The following FMN1 variants were observed in gnomAD, a reference collection of about 807,000 sequenced individuals.
FMN1 encodes formin-1.
FMN1 carries 110 observed loss-of-function variants against 132.4 expected under a neutral mutation model. The ratio of observed to expected loss-of-function variants is 0.83; its 90% confidence interval spans 0.71 to 0.97. The LOEUF is 0.97. FMN1 is among the 50% of genes least tolerant of loss of function. The pLI, the probability that FMN1 is intolerant of heterozygous loss-of-function variation, is 0.00. For missense variants in FMN1, 1,792 were observed against 1,705.3 expected (o/e 1.05, Z -0.90); for synonymous variants, 722 against 651.7 (o/e 1.11, Z -1.64).
chr15:33,016,173 A>C (rs1345785220), intron 6 of FMN1, among the ~76,000 whole-genome samples: 1 of 152,260 alleles, frequency 6.6e-6, no homozygotes, highest in Non-Finnish European at 1.5e-5. Context: ...AATTTCAAGA[A>C]GCTGGTGCAT....
intron 6 of FMN1, chr15:33,012,657 G>A: frequency 2.3e-6 from 2 of 879,044 alleles, no homozygotes; most frequent in Admixed American, 1.7e-5. Context: ...GGAAAGCCCT[G>A]TCAAAGCAAG....
chr15:33,022,418 G>A lies in FMN1; in HGVS notation c.2162-14343C>T, dbSNP rs376387917. On this transcript the variant is annotated intron_variant, in intron 6 of 20. Coordinates refer to ENST00000616417, the MANE Select transcript of FMN1 (RefSeq NM_001277313.2). ...ACCACTTTTCCTTGATTTGAAAAGT[G>A]GACTAGTATGGATATGGTAACTAGC... 6.8e-4 allele frequency among the ~76,000 whole-genome samples: 103 copies of A among 152,218 alleles called. 1 individual carries two copies. The highest frequency in any genetic ancestry group is 2.4e-3 in the African/African-American group (101 of 41,536).
chr15:33,181,206 G>A (rs1965688295), intron 2 of FMN1, among the ~76,000 whole-genome samples: 1 of 152,106 alleles, frequency 6.6e-6, no homozygotes, highest in Non-Finnish European at 1.5e-5. Flanking sequence ...TGCTATAAGG[G>A]TTCCTTGCAT....
intron 17 of FMN1, among the ~76,000 whole-genome samples, chr15:32,850,222 T>A (rs1282206820): frequency 6.6e-6 from 1 of 151,750 alleles, no homozygotes. Flanking sequence ...ATTACTGACC[T>A]TTCCTGATCT....
intron 4 of FMN1, among the ~76,000 whole-genome samples, chr15:33,106,901 T>C (rs984045549): frequency 6.6e-6 from 1 of 152,042 alleles, no homozygotes; most frequent in Admixed American, 6.6e-5. Context: ...TCACTCCATC[T>C]GTCATCTCAT....
intron 4 of FMN1, among the ~76,000 whole-genome samples, chr15:33,119,588 C>T (rs1413767885): frequency 6.6e-6 from 1 of 152,200 alleles, no homozygotes; most frequent in African/African-American, 2.4e-5. Flanking sequence ...AAAACCAGCA[C>T]TATTCTTGAA....
At chr15:33,127,935 G>A (rs556779589) in intron 4 of FMN1, among the ~76,000 whole-genome samples, 33 of 148,788 alleles carry the variant, frequency 2.2e-4, no homozygotes, top group African/African-American at 6.9e-4. Context: ...TAGAAGAAGA[G>A]GCAGCAACAG....
intron 4 of FMN1, among the ~76,000 whole-genome samples, chr15:33,138,925 G>C (rs183233758): frequency 1.3e-5 from 2 of 149,440 alleles, no homozygotes; most frequent in South Asian, 4.4e-4. Flanking sequence ...AGTTCTTCAT[G>C]AAGTAATGAT....
At chr15:32,882,894 T>C (rs769679961) in intron 16 of FMN1, among the ~76,000 whole-genome samples, 3 of 152,218 alleles carry the variant, frequency 2.0e-5, no homozygotes, top group Non-Finnish European at 2.9e-5. Flanking sequence ...ACTGACTGAC[T>C]CAGGCAAGGG....
At position 32,766,006 on chromosome 15, in the gene FMN1, AATGAGCTT is replaced by A. The variant is rs1449688016; in HGVS notation, c.*8296_*8303del. On this transcript the variant is annotated 3_prime_UTR_variant, in exon 21 of 21. Coordinates refer to ENST00000616417, the MANE Select transcript of FMN1 (RefSeq NM_001277313.2). Reference sequence around the variant, plus strand: ...TGCAAAGGGAAAAATACCTGAATCCAATGAGCTTATTATGCTTAAAAATATCCCAAGAG... The same window carrying A: ...TGCAAAGGGAAAAATACCTGAATCCAATTATGCTTAAAAATATCCCAAGAG... 1 of 152,228 alleles carries A rather than the reference AATGAGCTT, an allele frequency of 6.6e-6. No individual in the cohort carries two copies. Among genetic ancestry groups the A allele is most frequent in the Non-Finnish European group, 1.5e-5 (1 of 68,044 alleles). 9.4% of individuals were successfully genotyped at this position (152,228 alleles called of 1,614,324 possible). A position where few individuals can be genotyped will look rare whatever the true frequency, so the allele number is the denominator to read the frequency against.
At chr15:33,013,393 A>G (rs1274533002) in intron 6 of FMN1, among the ~76,000 whole-genome samples, 4 of 152,196 alleles carry the variant, frequency 2.6e-5, no homozygotes, top group South Asian at 4.1e-4. Flanking sequence ...GAAGCTGAAT[A>G]AATGTGTCTT....
chr15:32,962,074 G>A (rs889437274), intron 9 of FMN1, among the ~76,000 whole-genome samples: 4 of 151,850 alleles, frequency 2.6e-5, no homozygotes, highest in African/African-American at 9.7e-5. Context: ...TATGTTTAGT[G>A]TTTGTTAATA....
intron 3 of FMN1, among the ~76,000 whole-genome samples, chr15:33,174,421 G>A (rs1041762906): frequency 6.6e-6 from 1 of 152,086 alleles, no homozygotes. Flanking sequence ...ATGCTTGGAT[G>A]AGTTGGCCTT....
At chr15:33,148,466 C>T (rs1434415527) in intron 4 of FMN1, among the ~76,000 whole-genome samples, 1 of 152,216 alleles carries the variant, frequency 6.6e-6, no homozygotes, top group Non-Finnish European at 1.5e-5. Flanking sequence ...AGGCTGACCC[C>T]GTAGACCACA....
chr15:33,008,104 A>G (rs1220594941), intron 6 of FMN1, 29 bp from the exon 7 acceptor site: 27 of 1,546,362 alleles, frequency 1.7e-5, no homozygotes, highest in African/African-American at 2.7e-5. Flanking sequence ...GGCCAATTAT[A>G]AAGAAGTACA....
chr15:32,865,335 G>A (rs2059367572), intron 16 of FMN1, among the ~76,000 whole-genome samples: 1 of 152,128 alleles, frequency 6.6e-6, no homozygotes, highest in Non-Finnish European at 1.5e-5. Flanking sequence ...GAACTATAAT[G>A]AACAGATAAA....
chr15:33,008,124 A>C, intron 6 of FMN1, 49 bp from the exon 7 acceptor site: 1 of 1,437,290 alleles, frequency 7.0e-7, no homozygotes, highest in Non-Finnish European at 9.6e-7. Context: ...AAAATTAAGC[A>C]CAAAATTTAT....
intron 10 of FMN1, among the ~76,000 whole-genome samples, chr15:32,918,718 G>C (rs2060745272): frequency 6.6e-6 from 1 of 152,158 alleles, no homozygotes; most frequent in Admixed American, 6.5e-5. Flanking sequence ...GAAACAGTTT[G>C]GGTTAAGCTG....
intron 6 of FMN1, among the ~76,000 whole-genome samples, chr15:33,048,644 A>AACAAAAACAAAAAC (rs1555388955): frequency 0.028 from 2,429 of 86,982 alleles, 405 homozygotes; most frequent in South Asian, 0.13. Context: ...AAAAAAAAAA[A>AACAAAAACAAAAAC]AAAAACCAAC....
Sources: gnomAD v4.1 joint callset for allele counts (sites outside exome capture counted in the v4.1 genomes callset) on GRCh38, gnomAD v4.1.1 for gene constraint, MANE v1.5 for transcripts, NCBI Gene and HGNC (gene_info 2026-07-23, HGNC 2026-07-21) for gene names.